Variants in ERBB4 observed in about 807,000 individuals in gnomAD.
ERBB4 encodes the protein receptor tyrosine-protein kinase erbB-4.
ERBB4 carries 42 observed loss-of-function variants against 158.0 expected under a neutral mutation model. The ratio of observed to expected loss-of-function variants is 0.27; its 90% CI spans 0.21 to 0.34. The LOEUF (loss-of-function observed/expected upper bound fraction) is 0.34. ERBB4 is among the 10% of genes least tolerant of loss of function. The probability of loss-of-function intolerance (pLI) is 1.00; values close to 1 mark genes in which losing one functional copy is unlikely to be tolerated. For synonymous variants in ERBB4, 583 were observed against 558.7 expected, an observed-to-expected ratio of 1.04 and a Z score of -0.61; for missense variants, 1,333 against 1,624.1, an observed-to-expected ratio of 0.82 and a Z score of 3.08.
At position 212,293,847 on chromosome 2, in the gene ERBB4, C is replaced by CAAAA. The variant is rs1201724620; in HGVS notation, c.83-168948_83-168945dup. On this transcript the variant is annotated intron_variant, in intron 1 of 27. Transcript: ENST00000342788. ...TGGGTGACAGAGGAAGACTCTGTCT[C>CAAAA]AAAAAAAAAAACAAAAAAAAAAAAA... Among the ~76,000 whole-genome samples, 558 of 63,648 alleles carry CAAAA rather than the reference C, an allele frequency of 8.8e-3. 99 individuals carry two copies. The highest frequency in any genetic ancestry group is 0.016 in the African/African-American group (176 of 11,098). The allele number at this position is 63,648 out of a possible 152,430, so 41.8% of individuals were successfully genotyped here.
intron 22 of ERBB4, among the ~76,000 whole-genome samples, chr2:211,427,284 GT>G (rs2063650720): frequency 6.6e-6 from 1 of 151,764 alleles, no homozygotes; most frequent in African/African-American, 2.4e-5. Flanking sequence ...AACATAAATT[GT>G]ACCATACATT....
At chr2:212,018,985 C>T (rs961247252) in intron 2 of ERBB4, among the ~76,000 whole-genome samples, 18 of 152,150 alleles carry the variant, frequency 1.2e-4, no homozygotes, top group South Asian at 8.3e-4. Flanking sequence ...GTTATGGGAG[C>T]TCATAACTAC....
intron 1 of ERBB4, among the ~76,000 whole-genome samples, chr2:212,460,019 A>G (rs1055412365): frequency 2.0e-5 from 3 of 152,098 alleles, no homozygotes; most frequent in Non-Finnish European, 4.4e-5. Context: ...AGTCTTTCTC[A>G]TGCTGTTCTG....
chr2:211,578,473 CAA>C (rs1333809061), intron 19 of ERBB4, among the ~76,000 whole-genome samples: 2 of 152,002 alleles, frequency 1.3e-5, no homozygotes, highest in East Asian at 3.9e-4. Flanking sequence ...TATATGGAAC[CAA>C]AAAAGAGTCC....
chr2:211,678,202 G>T (rs2072164051), intron 13 of ERBB4, among the ~76,000 whole-genome samples: 1 of 151,808 alleles, frequency 6.6e-6, no homozygotes, highest in African/African-American at 2.4e-5. Flanking sequence ...AGAAACTACA[G>T]TGGTAGTTTT....
chr2:212,350,407 T>A (rs1000766668), intron 1 of ERBB4, among the ~76,000 whole-genome samples: 1 of 152,246 alleles, frequency 6.6e-6, no homozygotes, highest in East Asian at 1.9e-4. Context: ...TTGCATGAGA[T>A]GAATTCCAAG....
intron 1 of ERBB4, among the ~76,000 whole-genome samples, chr2:212,301,802 G>T (rs190015739): frequency 6.6e-6 from 1 of 151,312 alleles, no homozygotes; most frequent in East Asian, 2.0e-4. Context: ...ATGTGGCCCA[G>T]GAGGCATGTA....
intron 3 of ERBB4, among the ~76,000 whole-genome samples, chr2:211,845,636 G>C (rs576491203): frequency 8.5e-5 from 13 of 152,182 alleles, no homozygotes; most frequent in Admixed American, 5.9e-4. Context: ...TTGTGAATGG[G>C]AACCTCAATC....
intron 1 of ERBB4, among the ~76,000 whole-genome samples, chr2:212,468,465 TCTCTGCACAAG>T (rs1282582624): frequency 1.3e-5 from 2 of 152,142 alleles, no homozygotes; most frequent in African/African-American, 4.8e-5. Context: ...AATGGGAGTT[TCTCTGCACAAG>T]CTCTCTCTTA....
chr2:211,943,582 A>G (rs959697240), intron 3 of ERBB4, among the ~76,000 whole-genome samples: 1 of 152,066 alleles, frequency 6.6e-6, no homozygotes, highest in African/African-American at 2.4e-5. Flanking sequence ...TGTTAACAGG[A>G]CACCTAGAGC....
chr2:211,588,111 T>C (rs1327374112), intron 19 of ERBB4, among the ~76,000 whole-genome samples: 1 of 152,218 alleles, frequency 6.6e-6, no homozygotes, highest in Non-Finnish European at 1.5e-5. Flanking sequence ...TATGGAATTA[T>C]GTTTTAATGT....
intron 9 of ERBB4, among the ~76,000 whole-genome samples, chr2:211,709,562 T>C (rs1273585780): frequency 6.6e-6 from 1 of 152,014 alleles, no homozygotes; most frequent in Admixed American, 6.6e-5. Flanking sequence ...GAACAGGAAG[T>C]TGGCACATCT....
chr2:211,770,903 C>T (rs977409428), intron 4 of ERBB4, among the ~76,000 whole-genome samples: 1 of 152,228 alleles, frequency 6.6e-6, no homozygotes, highest in Admixed American at 6.5e-5. Flanking sequence ...ATAGAAGTTT[C>T]GCAAAACAAC....
chr2:211,784,169 A>G (rs749304869), intron 4 of ERBB4, among the ~76,000 whole-genome samples: 2 of 152,216 alleles, frequency 1.3e-5, no homozygotes, highest in Admixed American at 6.5e-5. Context: ...AATGTTAAGT[A>G]TATTCACATT....
intron 1 of ERBB4, among the ~76,000 whole-genome samples, chr2:212,402,926 T>A (rs904869592): frequency 5.3e-5 from 8 of 152,142 alleles, no homozygotes; most frequent in African/African-American, 1.9e-4. Flanking sequence ...CCAGCATATG[T>A]ACTTTGTTAT....
chr2:212,388,514 A>T (rs6723528), intron 1 of ERBB4, among the ~76,000 whole-genome samples: 64,316 of 151,830 alleles, frequency 0.42, 15,759 homozygotes, highest in African/African-American at 0.68. Context: ...CAGAGAGGAA[A>T]TCTGAGCAGC....
At chr2:212,483,996 A>C (rs1232084799) in intron 1 of ERBB4, among the ~76,000 whole-genome samples, 1 of 152,110 alleles carries the variant, frequency 6.6e-6, no homozygotes, top group Non-Finnish European at 1.5e-5. Flanking sequence ...TCGGCCTCCC[A>C]AAGTGTTAGG....
intron 16 of ERBB4, among the ~76,000 whole-genome samples, chr2:211,653,607 T>C (rs1215444728): frequency 6.6e-6 from 1 of 151,832 alleles, no homozygotes; most frequent in Non-Finnish European, 1.5e-5. Context: ...TGACTAAAAA[T>C]AAACTAGGCA....
At chr2:211,872,701 T>G (rs145362306) in intron 3 of ERBB4, among the ~76,000 whole-genome samples, 1,884 of 152,240 alleles carry the variant, frequency 0.012, 41 homozygotes, top group African/African-American at 0.042. Flanking sequence ...TGTTGTGCAT[T>G]TATTTTCCAG....
Sources: allele counts gnomAD v4.1 joint callset (sites outside exome capture counted in the v4.1 genomes callset), GRCh38; gene constraint gnomAD v4.1.1; transcripts MANE v1.5; gene names NCBI Gene and HGNC (gene_info 2026-07-23, HGNC 2026-07-21).